The following SYT17 variants were observed in gnomAD, a reference collection of about 807,000 sequenced individuals.
The protein encoded by SYT17 is synaptotagmin-17.
A neutral mutation model predicts 46.7 loss-of-function variants in SYT17; 22 were observed. The observed-to-expected ratio is 0.47, with a 90% CI of 0.34 to 0.67. The LOEUF (loss-of-function observed/expected upper bound fraction) is 0.67, where lower values mean the gene tolerates loss of function less well. Among genes scored for constraint, SYT17 ranks in the 30% least tolerant of loss-of-function variants. The probability of loss-of-function intolerance (pLI) is 0.01; values close to 1 mark genes in which losing one functional copy is unlikely to be tolerated. For synonymous variants in SYT17, 251 were observed against 248.4 expected (o/e 1.01, Z -0.10); for missense variants, 519 against 612.8 (o/e 0.85, Z 1.62).
chr16:19,171,030 A>G (rs1023481873), intron 1 of SYT17: 1 of 152,118 alleles, frequency 6.6e-6, no homozygotes, highest in African/African-American at 2.4e-5. Context: ...TCCACTAAAG[A>G]AGAGGTAACC....
intron 7 of SYT17, among the ~76,000 whole-genome samples, chr16:19,260,159 G>A (rs752323943): frequency 2.0e-5 from 3 of 151,924 alleles, no homozygotes; most frequent in Non-Finnish European, 4.4e-5. Context: ...GCAGGCTTCA[G>A]AGAGAATAGA....
chr16:19,171,289 T>TATGATGATGATG (rs66740634), intron 1 of SYT17: 11 of 107,684 alleles, frequency 1.0e-4, no homozygotes, highest in Admixed American at 2.5e-4. Flanking sequence ...CCACCTATAC[T>TATGATGATGATG]ATGATGATGA....
chr16:19,236,275 A>T lies in SYT17; in HGVS notation c.1228+11437A>T, dbSNP rs183330453. Reference sequence around the variant, plus strand: ...TCTTGTCTGAACAATGGGGACAGTAATACTTCTATTTATCATGAACCACCT... The same window carrying T: ...TCTTGTCTGAACAATGGGGACAGTATTACTTCTATTTATCATGAACCACCT... On this transcript the variant is annotated intron_variant, in intron 7 of 7. Transcript: ENST00000355377. 1.6e-3 allele frequency among the ~76,000 whole-genome samples: 249 copies of T among 152,288 alleles called. 1 individual carries two copies. Among genetic ancestry groups the T allele is most frequent in the Non-Finnish European group, 2.3e-3 (159 of 68,022 alleles).
intron 5 of SYT17, among the ~76,000 whole-genome samples, chr16:19,216,352 G>A (rs755355976): frequency 2.0e-5 from 3 of 150,296 alleles, no homozygotes; most frequent in Non-Finnish European, 4.4e-5. Context: ...TTATATTGCT[G>A]ATTAATACTT....
rs1446713824 is a variant in SYT17 at position 19,173,547 on chromosome 16, G to C, written c.151G>C (p.Gly51Arg). 1 of 1,613,958 alleles carries C rather than the reference G, an allele frequency of 6.2e-7. No homozygotes were observed. Among genetic ancestry groups the C allele is most frequent in the South Asian group, 1.1e-5 (1 of 91,064 alleles). The part of the protein sequence containing the change: ...QSSEDEVEIL[G>R]PFPAQTPPWL... ...AAGTGAGGATGAAGTTGAAATTCTG[G>C]GACCTTTCCCTGCTCAGACCCCTCC... Residue 51 changes from glycine (G) to arginine (R), a missense_variant, in exon 3 of 8, where the codon GGA becomes CGA. Gly to Arg is a moderately radical substitution (Grantham distance 125). Transcript: ENST00000355377.
intron 7 of SYT17, among the ~76,000 whole-genome samples, chr16:19,252,404 CATATATATAT>C (rs1247348227): frequency 5.0e-5 from 1 of 19,946 alleles, no homozygotes; most frequent in Non-Finnish European, 7.3e-5. Flanking sequence ...CATATATATA[CATATATATAT>C]ACATATATAT....
intron 3 of SYT17, among the ~76,000 whole-genome samples, chr16:19,175,426 G>T (rs1296906969): frequency 6.6e-6 from 1 of 152,002 alleles, no homozygotes; most frequent in Admixed American, 6.6e-5. Flanking sequence ...GACTGAGGTG[G>T]GAGGACTGCT....
chr16:19,171,175 A>G (rs1964067858), intron 1 of SYT17: 1 of 152,308 alleles, frequency 6.6e-6, no homozygotes, highest in African/African-American at 2.4e-5. Flanking sequence ...GTATGGTTTG[A>G]GTTTTGGCTT....
At chr16:19,182,901 C>T (rs1964614349) in intron 4 of SYT17, among the ~76,000 whole-genome samples, 3 of 152,196 alleles carry the variant, frequency 2.0e-5, no homozygotes, top group Admixed American at 6.5e-5. Flanking sequence ...AGTGAATCTT[C>T]ACCACATTCT....
At chr16:19,220,403 A>G (rs955816295) in intron 5 of SYT17, among the ~76,000 whole-genome samples, 1 of 145,590 alleles carries the variant, frequency 6.9e-6, no homozygotes, top group Admixed American at 7.2e-5. Context: ...CCTGGATTCA[A>G]GTGATCTGCC....
At chr16:19,236,590 A>G (rs1966851664) in intron 7 of SYT17, among the ~76,000 whole-genome samples, 1 of 152,170 alleles carries the variant, frequency 6.6e-6, no homozygotes, top group East Asian at 1.9e-4. Flanking sequence ...AGAACTCAGG[A>G]AAGTGCTACT....
At chr16:19,175,753 G>A (rs1345315790) in intron 3 of SYT17, among the ~76,000 whole-genome samples, 3 of 151,862 alleles carry the variant, frequency 2.0e-5, no homozygotes, top group Non-Finnish European at 4.4e-5. Flanking sequence ...ATCTCCATGT[G>A]GGCAGGGAGT....
chr16:19,264,137 C>T (rs12325307), intron 7 of SYT17, among the ~76,000 whole-genome samples: 8,257 of 152,208 alleles, frequency 0.054, 286 homozygotes, highest in Non-Finnish European at 0.066. Flanking sequence ...CACCAGACAC[C>T]GAATTTGCCA....
rs114907603 is a variant in SYT17, at chr16:19,230,551, G to A, written c.1228+5713G>A. 6.5e-3 allele frequency among the ~76,000 whole-genome samples: 988 copies of A among 152,296 alleles called. 8 individuals carry two copies. Among genetic ancestry groups the A allele is most frequent in the African/African-American group, 0.022 (918 of 41,560 alleles). Reference sequence around the variant, plus strand: ...ATAATTAGAAGGAAAGAAAAAATAAGTAAATGAAGCTTCAGCCCGGCAGAT... The same window carrying A: ...ATAATTAGAAGGAAAGAAAAAATAAATAAATGAAGCTTCAGCCCGGCAGAT... On this transcript the variant is annotated intron_variant, in intron 7 of 7. Transcript: ENST00000355377.
At chr16:19,226,201 A>G (rs1011383377) in intron 7 of SYT17, among the ~76,000 whole-genome samples, 1 of 152,180 alleles carries the variant, frequency 6.6e-6, no homozygotes, top group Non-Finnish European at 1.5e-5. Flanking sequence ...TCAAGCTGAT[A>G]GAATCAGGAC....
At chr16:19,210,754 CT>C (rs1383116346) in intron 5 of SYT17, among the ~76,000 whole-genome samples, 1 of 152,194 alleles carries the variant, frequency 6.6e-6, no homozygotes, top group Non-Finnish European at 1.5e-5. Flanking sequence ...AGACAATAGA[CT>C]TTATCCAACC....
At chr16:19,259,388 C>T (rs1329034469) in intron 7 of SYT17, among the ~76,000 whole-genome samples, 1 of 152,180 alleles carries the variant, frequency 6.6e-6, no homozygotes, top group Non-Finnish European at 1.5e-5. Flanking sequence ...CTAATGGATT[C>T]ATGATCATAA....
chr16:19,236,291 T>C (rs1966846956), intron 7 of SYT17, among the ~76,000 whole-genome samples: 1 of 152,228 alleles, frequency 6.6e-6, no homozygotes, highest in African/African-American at 2.4e-5. Context: ...CTATTTATCA[T>C]GAACCACCTG....
chr16:19,262,405 G>A (rs1463841132), intron 7 of SYT17, among the ~76,000 whole-genome samples: 1 of 152,084 alleles, frequency 6.6e-6, no homozygotes, highest in African/African-American at 2.4e-5. Context: ...CCTTGATCTG[G>A]GACTTCCTAG....
Sources: allele counts gnomAD v4.1 joint callset (sites outside exome capture counted in the v4.1 genomes callset), GRCh38; gene constraint gnomAD v4.1.1; transcripts MANE v1.5; gene names NCBI Gene and HGNC (gene_info 2026-07-23, HGNC 2026-07-21).